Variants in PISD observed in about 807,000 individuals in gnomAD.
PISD encodes the protein phosphatidylserine decarboxylase.
Under a neutral mutation model 43.5 loss-of-function variants are expected in PISD, and 31 were observed. That is an observed-to-expected ratio of 0.71 (90% CI 0.54 to 0.96). The LOEUF is 0.96. PISD is among the 40% of genes least tolerant of loss of function. The pLI, the probability that PISD is intolerant of heterozygous loss-of-function variation, is 0.00. For synonymous variants in PISD, 259 were observed against 228.7 expected, an observed-to-expected ratio of 1.13 and a Z score of -1.20; for missense variants, 523 against 548.4, an observed-to-expected ratio of 0.95 and a Z score of 0.46.
chr22:31,622,199 G>A (rs958554019), intron 3 of PISD, among the ~76,000 whole-genome samples: 2 of 152,208 alleles, frequency 1.3e-5, no homozygotes, highest in African/African-American at 4.8e-5. Context: ...AGTGGGGGTC[G>A]GAAACGGATC....
chr22:31,636,001 G>T (rs964688127), intron 3 of PISD, among the ~76,000 whole-genome samples: 2 of 152,164 alleles, frequency 1.3e-5, no homozygotes, highest in African/African-American at 4.8e-5. Flanking sequence ...ACTTTATGAG[G>T]GCATGAATGG....
chr22:31,636,282 A>AT (rs201112986), intron 3 of PISD, among the ~76,000 whole-genome samples: 9 of 151,486 alleles, frequency 5.9e-5, no homozygotes, highest in Non-Finnish European at 7.4e-5. Flanking sequence ...TGTACTATAC[A>AT]TTTTTTTTTT....
chr22:31,618,944 C>G lies in PISD; in HGVS notation c.*668G>C, dbSNP rs1382119566. On this transcript the variant is annotated 3_prime_UTR_variant, in exon 8 of 8. Coordinates refer to ENST00000439502, the MANE Select transcript of PISD (RefSeq NM_001326411.2). ...GTCTTGCCTGCTGCAGAGGACCTGG[C>G]CAGCTCCAGAAGGGTCACTCATCAG... 2.4e-5 allele frequency: 4 copies of G among 163,642 alleles called. No individual in the cohort carries two copies. Among genetic ancestry groups the G allele is most frequent in the African/African-American group, 7.2e-5 (3 of 41,538 alleles). 10.1% of individuals were successfully genotyped at this position (163,642 alleles called of 1,614,324 possible). A position where few individuals can be genotyped will look rare whatever the true frequency, so the allele number is the denominator to read the frequency against.
chr22:31,621,166 G>A, intron 5 of PISD, 24 bp from the exon 6 acceptor site: 2 of 1,614,034 alleles, frequency 1.2e-6, no homozygotes, highest in Non-Finnish European at 1.7e-6. Flanking sequence ...GCAGACGTGG[G>A]GGCCACCAAC....
chr22:31,648,149 C>T lies in PISD; in HGVS notation c.273G>A (p.Leu91=). Residue 91 remains leucine, a synonymous_variant, in exon 3 of 8, where the codon CTG becomes CTA. Coordinates refer to ENST00000439502, the MANE Select transcript of PISD (RefSeq NM_001326411.2). Reference sequence around the variant, plus strand: ...GTGGAATCTCCAATCCCAGCTTCTCCAGCTCTCGCTCCCTGTACTTCTCAT... The same window carrying T: ...GTGGAATCTCCAATCCCAGCTTCTCTAGCTCTCGCTCCCTGTACTTCTCAT... ...RQYEKYRERE[L]EKLGLEIPPK... The T allele has an allele frequency of 6.2e-7, 1 of 1,612,384 alleles. No individual in the cohort carries two copies. Among genetic ancestry groups the T allele is most frequent in the East Asian group, 2.2e-5 (1 of 44,872 alleles).
At chr22:31,625,621 G>A (rs2072863715) in intron 3 of PISD, 4 of 1,074,714 alleles carry the variant, frequency 3.7e-6, no homozygotes, top group Admixed American at 4.3e-5. Flanking sequence ...AGGCCCCCCA[G>A]GCCAGGCTCC....
At chr22:31,648,042 A>G in intron 3 of PISD, 59 bp downstream of exon 3, 1 of 1,436,904 alleles carries the variant, frequency 7.0e-7, no homozygotes, top group Non-Finnish European at 9.6e-7. Flanking sequence ...GAACAACTGG[A>G]AAAGTGACAG....
Position 31,630,828 on chromosome 22 carries a change from C to A in PISD, c.322-8943G>T, listed in dbSNP as rs1412371342. Reference sequence around the variant, plus strand: ...CCCGCAGGTGGCTCCAGCTTCCGGGCTCCGACTCCCTAGGGGCGCTCCCGG... The same window carrying A: ...CCCGCAGGTGGCTCCAGCTTCCGGGATCCGACTCCCTAGGGGCGCTCCCGG... On this transcript the variant is annotated intron_variant, in intron 3 of 7. Transcript: ENST00000439502. This position sits in a 1 kb window ranked among gnomAD's most constrained non-coding sequence, Gnocchi z 4.4. 1.0e-6 allele frequency: 1 copy of A among 985,490 alleles called. No individual in the cohort carries two copies. The highest frequency in any genetic ancestry group is 5.2e-4 in the Middle Eastern group (1 of 1,914). The allele number at this position is 985,490 out of a possible 1,614,324, so 61.0% of individuals were successfully genotyped here. A position where few individuals can be genotyped will look rare whatever the true frequency, so the allele number is the denominator to read the frequency against.
At chr22:31,643,405 C>T (rs903399576) in intron 3 of PISD, among the ~76,000 whole-genome samples, 4 of 152,058 alleles carry the variant, frequency 2.6e-5, no homozygotes, top group Non-Finnish European at 2.9e-5. Context: ...TCTCTTATAC[C>T]GTAAATAAAA....
At chr22:31,621,560 C>T (rs1371137868) in intron 4 of PISD, 88 bp from the exon 5 acceptor site, 3 of 1,599,444 alleles carry the variant, frequency 1.9e-6, no homozygotes, top group East Asian at 2.2e-5. Context: ...TCATCCTGCC[C>T]CTTCCAGATA....
At chr22:31,652,782 T>C (rs897899827) in intron 1 of PISD, among the ~76,000 whole-genome samples, 9 of 144,806 alleles carry the variant, frequency 6.2e-5, no homozygotes, top group African/African-American at 2.3e-4. Context: ...TTCACAACTA[T>C]AATCCTGGCA....
At chr22:31,628,051 T>C in intron 3 of PISD, 1 of 985,500 alleles carries the variant, frequency 1.0e-6, no homozygotes, top group Non-Finnish European at 1.2e-6. Flanking sequence ...ATTTAGATCC[T>C]TGTCTTTATC....
chr22:31,620,438 C>T, intron 7 of PISD, 115 bp downstream of exon 7: 1 of 1,050,120 alleles, frequency 9.5e-7, no homozygotes, highest in Admixed American at 2.3e-5. Flanking sequence ...CAGGCCTGAC[C>T]AGAGCTGTGG....
intron 3 of PISD, among the ~76,000 whole-genome samples, chr22:31,624,089 C>T (rs1000120985): frequency 4.6e-5 from 7 of 152,230 alleles, no homozygotes; most frequent in East Asian, 1.9e-4. Flanking sequence ...CTCTCCCACC[C>T]GCCAGCCAGC....
chr22:31,620,554 C>T lies in PISD; in HGVS notation c.1004G>A (p.Arg335Gln), dbSNP rs200138628. The change falls in exon 7 of 8, where the codon CGG becomes CAG. Residue 335 changes from arginine (R) to glutamine (Q), a missense_variant and splice_region_variant. By Grantham distance (43) the Arg-to-Gln change is conservative. Transcript: ENST00000439502. The part of the protein sequence containing the change: ...NVGSIRIYFD[R>Q]DLHTNSPRHS... The stretch of plus-strand genomic sequence containing the variant: ...TGGCAGGGCCTAGATCCTGCTTACC[C>T]GGTCAAAGTAGATGCGAATGGAGCC... The T allele has an allele frequency of 3.0e-5, 49 of 1,614,108 alleles. No homozygotes were observed. In the Admixed American group the frequency reaches 7.0e-4, roughly 23 times the overall value.
At chr22:31,649,288 A>G (rs1430868934) in intron 2 of PISD, among the ~76,000 whole-genome samples, 1 of 152,198 alleles carries the variant, frequency 6.6e-6, no homozygotes, top group Non-Finnish European at 1.5e-5. Flanking sequence ...TTGGCCAATA[A>G]GCACAAGAAA....
chr22:31,625,694 G>A, intron 3 of PISD: 6 of 1,544,052 alleles, frequency 3.9e-6, no homozygotes, highest in Non-Finnish European at 5.3e-6. Flanking sequence ...GCCGCTGGAT[G>A]TGAACTCTGA....
intron 4 of PISD, 54 bp downstream of exon 4, chr22:31,621,595 T>A: frequency 1.3e-6 from 2 of 1,599,340 alleles, no homozygotes; most frequent in Non-Finnish European, 1.7e-6. Flanking sequence ...GGGGCTGTGC[T>A]GGGGAGGCAG....
At position 31,630,858 on chromosome 22, in the gene PISD, G is replaced by T; in HGVS notation, c.322-8973C>A. The T allele has an allele frequency of 2.0e-6, 2 of 985,418 alleles. No homozygotes were observed. The highest frequency in any genetic ancestry group is 2.4e-6 in the Non-Finnish European group (2 of 829,908). The allele number at this position is 985,418 out of a possible 1,614,324, so 61.0% of individuals were successfully genotyped here. On this transcript the variant is annotated intron_variant, in intron 3 of 7. Transcript: ENST00000439502. This position sits in a 1 kb window ranked among gnomAD's most constrained non-coding sequence, Gnocchi z 4.4. ...ACTCCCTAGGGGCGCTCCCGGAGCC[G>T]GGAAGCCTTGGGGCGAGTGGGCGGG...
Sources: gnomAD v4.1 joint callset for allele counts (sites outside exome capture counted in the v4.1 genomes callset) on GRCh38, gnomAD v4.1.1 for gene constraint, Gnocchi (gnomAD v3.1) non-coding constraint, MANE v1.5 for transcripts, NCBI Gene and HGNC (gene_info 2026-07-23, HGNC 2026-07-21) for gene names.